Variants in SNTG1 observed in about 807,000 individuals in gnomAD.
SNTG1 encodes the protein syntrophin gamma 1, also known as gamma-1-syntrophin.
In SNTG1, 39 loss-of-function variants were observed where a neutral mutation model predicts 74.7. The ratio of observed to expected loss-of-function variants is 0.52; its 90% CI spans 0.40 to 0.68. The LOEUF (loss-of-function observed/expected upper bound fraction) is 0.68, where lower values mean the gene tolerates loss of function less well. SNTG1 is among the 30% of genes least tolerant of loss of function. SNTG1 has a pLI of 0.00. For missense variants in SNTG1, 685 were observed against 609.5 expected (o/e 1.12, Z -1.30); for synonymous variants, 254 against 217.1 (o/e 1.17, Z -1.49).
intron 2 of SNTG1, among the ~76,000 whole-genome samples, chr8:50,255,402 C>T (rs532370092): frequency 9.2e-5 from 14 of 152,270 alleles, no homozygotes; most frequent in African/African-American, 3.1e-4. Context: ...TGTCATCATG[C>T]ACATTAGTTT....
chr8:50,750,643 T>C (rs1350477467), intron 17 of SNTG1, among the ~76,000 whole-genome samples: 1 of 151,964 alleles, frequency 6.6e-6, no homozygotes, highest in East Asian at 1.9e-4. Flanking sequence ...GGCAGCACCC[T>C]CCACCAGCAA....
intron 1 of SNTG1, among the ~76,000 whole-genome samples, chr8:50,005,832 A>G (rs911391561): frequency 5.9e-5 from 9 of 151,694 alleles, no homozygotes; most frequent in African/African-American, 1.9e-4. Context: ...ACTGTTTCCA[A>G]TGGGTCAGTT....
intron 18 of SNTG1, among the ~76,000 whole-genome samples, chr8:50,772,311 G>T (rs936248593): frequency 6.6e-6 from 1 of 152,094 alleles, no homozygotes; most frequent in Non-Finnish European, 1.5e-5. Context: ...TGTGAGATAT[G>T]AAGTAAAATA....
rs566037666 is a variant in SNTG1, at chr8:50,793,191, T to C, written c.*362T>C. On this transcript the variant is annotated 3_prime_UTR_variant, in exon 19 of 19. Transcript: ENST00000642720. ...TTATTAAATGATTACTTCTGTATTTTAGATTATTTTGTATGACTAGTACAT... is the reference window on the plus strand; with the variant it reads ...TTATTAAATGATTACTTCTGTATTTCAGATTATTTTGTATGACTAGTACAT... 9 of 159,028 alleles carry C rather than the reference T, an allele frequency of 5.7e-5. No homozygotes were observed. Among genetic ancestry groups the C allele is most frequent in the African/African-American group, 2.2e-4 (9 of 41,832 alleles). 9.9% of individuals were successfully genotyped at this position (159,028 alleles called of 1,614,324 possible). A position where few individuals can be genotyped will look rare whatever the true frequency, so the allele number is the denominator to read the frequency against.
At chr8:50,775,281 C>T (rs1169383716) in intron 18 of SNTG1, among the ~76,000 whole-genome samples, 1 of 151,448 alleles carries the variant, frequency 6.6e-6, no homozygotes, top group African/African-American at 2.4e-5. Context: ...TGACTACAAT[C>T]AAGAGATTGA....
intron 1 of SNTG1, among the ~76,000 whole-genome samples, chr8:49,996,138 A>G (rs1229088488): frequency 6.6e-6 from 1 of 152,106 alleles, no homozygotes; most frequent in Non-Finnish European, 1.5e-5. Flanking sequence ...CATTTTAGAA[A>G]ACTTTCTTCA....
At chr8:50,443,967 C>G (rs2093382056) in intron 5 of SNTG1, among the ~76,000 whole-genome samples, 1 of 151,700 alleles carries the variant, frequency 6.6e-6, no homozygotes, top group Admixed American at 6.6e-5. Flanking sequence ...AACTCTGTCT[C>G]TACTAAAAAT....
intron 1 of SNTG1, among the ~76,000 whole-genome samples, chr8:49,949,738 G>C (rs529803082): frequency 6.6e-6 from 1 of 152,184 alleles, no homozygotes; most frequent in East Asian, 1.9e-4. Context: ...AAGCACAAGG[G>C]AATACCTGTT....
At chr8:50,517,339 G>A (rs1232688083) in intron 9 of SNTG1, among the ~76,000 whole-genome samples, 1 of 152,068 alleles carries the variant, frequency 6.6e-6, no homozygotes, top group Admixed American at 6.6e-5. Context: ...CACTGCAAAA[G>A]TATACCAAAT....
intron 2 of SNTG1, among the ~76,000 whole-genome samples, chr8:50,217,222 T>C (rs1794145260): frequency 6.6e-6 from 1 of 152,080 alleles, no homozygotes; most frequent in African/African-American, 2.4e-5. Context: ...AATATACTGG[T>C]ACACACCATA....
chr8:50,283,431 A>G (rs190498748), intron 2 of SNTG1, among the ~76,000 whole-genome samples: 1 of 152,354 alleles, frequency 6.6e-6, no homozygotes, highest in East Asian at 1.9e-4. Flanking sequence ...AGATGGCAAA[A>G]GATTTTACAT....
chr8:50,740,309 A>G (rs1188204859), intron 17 of SNTG1, among the ~76,000 whole-genome samples: 2 of 151,958 alleles, frequency 1.3e-5, no homozygotes, highest in African/African-American at 4.8e-5. Flanking sequence ...AAGTGGGCAA[A>G]GGATATGAAC....
intron 12 of SNTG1, among the ~76,000 whole-genome samples, chr8:50,578,976 TG>T (rs1295120901): frequency 1.3e-5 from 2 of 152,074 alleles, no homozygotes; most frequent in African/African-American, 2.4e-5. Context: ...AGTTAGAGCT[TG>T]GAACAGTTTA....
chr8:50,376,748 TATATATATAGAGAG>T (rs1368871263), intron 2 of SNTG1, among the ~76,000 whole-genome samples: 19 of 108,692 alleles, frequency 1.7e-4, no homozygotes, highest in African/African-American at 5.4e-4. Context: ...TATATATATA[TATATATATAGAGAG>T]AGAGAGAGAG....
chr8:49,962,337 T>C (rs530113458), intron 1 of SNTG1, among the ~76,000 whole-genome samples: 1 of 151,608 alleles, frequency 6.6e-6, no homozygotes, highest in East Asian at 1.9e-4. Context: ...GGGTGCCTTA[T>C]AGCCATAAGA....
chr8:50,515,387 G>GTTTTTTTTTTTTT (rs34086906), intron 9 of SNTG1, among the ~76,000 whole-genome samples: 5 of 80,384 alleles, frequency 6.2e-5, no homozygotes, highest in Admixed American at 1.7e-4. Context: ...AGCTGCAGGA[G>GTTTTTTTTTTTTT]TTTTTTTTTT....
intron 2 of SNTG1, among the ~76,000 whole-genome samples, chr8:50,274,540 T>G (rs2087983961): frequency 6.6e-6 from 1 of 152,186 alleles, no homozygotes; most frequent in South Asian, 2.1e-4. Context: ...ATTTTAAAAT[T>G]TCCTTTTCTT....
intron 13 of SNTG1, among the ~76,000 whole-genome samples, chr8:50,635,220 A>G (rs1056492115): frequency 2.0e-5 from 3 of 152,094 alleles, no homozygotes; most frequent in Admixed American, 6.6e-5. Flanking sequence ...CTGGGACTCA[A>G]TACCTGTCCC....
At chr8:50,546,022 A>G (rs2094385167) in intron 11 of SNTG1, among the ~76,000 whole-genome samples, 1 of 152,188 alleles carries the variant, frequency 6.6e-6, no homozygotes, top group East Asian at 1.9e-4. Flanking sequence ...AGGAAGCACA[A>G]TCAGCGAATG....
Sources: gnomAD v4.1 joint callset for allele counts (sites outside exome capture counted in the v4.1 genomes callset) on GRCh38, gnomAD v4.1.1 for gene constraint, MANE v1.5 for transcripts, NCBI Gene and HGNC (gene_info 2026-07-23, HGNC 2026-07-21) for gene names.